HEG1: variants seen among roughly 807,000 people sequenced by gnomAD.
HEG1 encodes protein HEG homolog 1.
HEG1 carries 56 observed loss-of-function variants against 125.6 expected under a neutral mutation model. The observed-to-expected ratio is 0.45, with a 90% CI of 0.36 to 0.56. The LOEUF (loss-of-function observed/expected upper bound fraction) is 0.56. Among genes scored for constraint, HEG1 ranks in the 20% least tolerant of loss-of-function variants. The probability of loss-of-function intolerance (pLI) is 0.00; values close to 1 mark genes in which losing one functional copy is unlikely to be tolerated. For synonymous variants in HEG1, 644 were observed against 668.5 expected, an observed-to-expected ratio of 0.96 and a Z score of 0.57; for missense variants, 1,523 against 1,670.0, an observed-to-expected ratio of 0.91 and a Z score of 1.53.
chr3:125,016,674 C>G (rs968800313), intron 5 of HEG1, among the ~76,000 whole-genome samples: 7 of 152,160 alleles, frequency 4.6e-5, no homozygotes, highest in Non-Finnish European at 1.0e-4. Context: ...TTCCACATCA[C>G]GTGAGTACTA....
intron 1 of HEG1, among the ~76,000 whole-genome samples, chr3:125,048,564 G>C (rs946150391): frequency 2.0e-5 from 3 of 152,262 alleles, no homozygotes; most frequent in Admixed American, 1.3e-4. Flanking sequence ...ATTAACAACT[G>C]TCTGGTGTAA....
intron 7 of HEG1, 142 bp downstream of exon 7, chr3:125,010,297 C>T (rs1056895038): frequency 3.4e-6 from 2 of 590,232 alleles, no homozygotes; most frequent in African/African-American, 3.7e-5. Flanking sequence ...CAGATCACAA[C>T]CTACAAACAT....
At chr3:124,994,537 G>C (rs1210143739) in intron 12 of HEG1, among the ~76,000 whole-genome samples, 1 of 146,526 alleles carries the variant, frequency 6.8e-6, no homozygotes, top group Non-Finnish European at 1.5e-5. Flanking sequence ...ACGGAGTCTT[G>C]CTCTGTCACC....
chr3:124,996,836 C>T (rs1265874049), intron 12 of HEG1, among the ~76,000 whole-genome samples: 1 of 152,188 alleles, frequency 6.6e-6, no homozygotes, highest in Non-Finnish European at 1.5e-5. Flanking sequence ...AACTGGCCAT[C>T]CATGATGGCC....
chr3:124,974,754 G>C (rs9790109), intron 15 of HEG1, among the ~76,000 whole-genome samples: 53,669 of 151,950 alleles, frequency 0.35, 10,371 homozygotes, highest in African/African-American at 0.51. Flanking sequence ...CTCACTTAAA[G>C]TACAAATAAG....
intron 7 of HEG1, among the ~76,000 whole-genome samples, 197 bp downstream of exon 7, chr3:125,010,242 C>G (rs1420276089): frequency 6.6e-6 from 1 of 152,172 alleles, no homozygotes; most frequent in African/African-American, 2.4e-5. Flanking sequence ...AGACACAGAT[C>G]AGGAAGTCTG....
At chr3:125,036,051 T>C (rs1041220983) in intron 1 of HEG1, among the ~76,000 whole-genome samples, 1 of 149,122 alleles carries the variant, frequency 6.7e-6, no homozygotes, top group African/African-American at 2.5e-5. Flanking sequence ...CTCTACAAAA[T>C]AAAAAAAAAT....
intron 15 of HEG1, among the ~76,000 whole-genome samples, chr3:124,976,163 T>A (rs2107686599): frequency 6.6e-6 from 1 of 152,260 alleles, no homozygotes; most frequent in Non-Finnish European, 1.5e-5. Flanking sequence ...TCACCAATGC[T>A]TGTTATTTTC....
At chr3:125,009,602 C>A (rs1308020476) in intron 8 of HEG1, 103 bp downstream of exon 8, 2 of 1,243,902 alleles carry the variant, frequency 1.6e-6, no homozygotes, top group Non-Finnish European at 2.2e-6. Context: ...AAGTTTATAC[C>A]TTGGACAAAT....
At chr3:124,980,245 G>A (rs1008656002) in intron 14 of HEG1, among the ~76,000 whole-genome samples, 8 of 152,150 alleles carry the variant, frequency 5.3e-5, no homozygotes. Flanking sequence ...ATTATAGAAA[G>A]CAAATCTGAT....
In HEG1 at chr3:125,002,270, C is replaced by T; in HGVS notation, c.3343G>A (p.Val1115Ile). 6.2e-7 allele frequency: 1 copy of T among 1,613,434 alleles called. No individual in the cohort carries two copies. The highest frequency in any genetic ancestry group is 1.6e-4 in the Middle Eastern group (1 of 6,062). Residue 1115 changes from valine to isoleucine, a missense_variant, in exon 10 of 17, where the codon GTT becomes ATT. Val to Ile is a conservative substitution (Grantham distance 29). Coordinates refer to ENST00000311127, the MANE Select transcript of HEG1 (RefSeq NM_020733.2). ...SALPSYIRST[V>I]HASRESNAVV... ...TCTGTTACTTACCTAGAGGCGTGAA[C>T]TGTAGATCGGATGTAACTAGGTAAC...
At chr3:125,009,552 G>T in intron 8 of HEG1, 153 bp downstream of exon 8, 1 of 681,114 alleles carries the variant, frequency 1.5e-6, no homozygotes, top group Non-Finnish European at 2.3e-6. Flanking sequence ...CCAAGTATTA[G>T]AATAATGGAC....
chr3:125,020,762 T>C, intron 4 of HEG1, 30 bp downstream of exon 4: 2 of 1,568,358 alleles, frequency 1.3e-6, no homozygotes, highest in Non-Finnish European at 1.7e-6. Context: ...CAAATGTCCC[T>C]AATAGATCAA....
intron 1 of HEG1, among the ~76,000 whole-genome samples, chr3:125,050,987 G>T (rs149493678): frequency 2.1e-4 from 32 of 152,228 alleles, no homozygotes; most frequent in African/African-American, 7.7e-4. Flanking sequence ...CCTCCTACTG[G>T]GCAGGTATTC....
chr3:125,033,957 C>T (rs1553779522), intron 1 of HEG1, among the ~76,000 whole-genome samples: 2 of 151,052 alleles, frequency 1.3e-5, no homozygotes, highest in Non-Finnish European at 3.0e-5. Flanking sequence ...TCCCAACCCC[C>T]GGCCCACCCC....
intron 6 of HEG1, among the ~76,000 whole-genome samples, chr3:125,011,935 A>G (rs1478788909): frequency 6.6e-6 from 1 of 152,238 alleles, no homozygotes; most frequent in Non-Finnish European, 1.5e-5. Context: ...TCCTGGTACC[A>G]GCAACTTCAA....
chr3:125,001,733 G>T, intron 11 of HEG1, 119 bp downstream of exon 11: 1 of 1,091,150 alleles, frequency 9.2e-7, no homozygotes, highest in Non-Finnish European at 1.3e-6. Context: ...TAACACCCAT[G>T]CCAAAAATAG....
chr3:124,990,702 G>A (rs1220077026), intron 14 of HEG1, 85 bp downstream of exon 14: 11 of 1,281,080 alleles, frequency 8.6e-6, no homozygotes, highest in Admixed American at 8.4e-5. Context: ...GTGAACTGAG[G>A]GAAGTGGGAG....
chr3:125,002,069 G>T (rs570035982), intron 10 of HEG1, 57 bp from the exon 11 acceptor site: 2 of 1,598,300 alleles, frequency 1.3e-6, no homozygotes, highest in Middle Eastern at 1.7e-4. Context: ...GGGTCCCAAG[G>T]CTTTTGGAAA....
Sources: gnomAD v4.1 joint callset for allele counts (sites outside exome capture counted in the v4.1 genomes callset) on GRCh38, gnomAD v4.1.1 for gene constraint, MANE v1.5 for transcripts, NCBI Gene and HGNC (gene_info 2026-07-23, HGNC 2026-07-21) for gene names.